PI4K2B: variants seen among roughly 807,000 people sequenced by gnomAD.
The protein encoded by PI4K2B is phosphatidylinositol 4-kinase type 2-beta.
Under a neutral mutation model 56.6 loss-of-function variants are expected in PI4K2B, and 46 were observed. That is an observed-to-expected ratio of 0.81 (90% CI 0.64 to 1.04). The LOEUF is 1.04. PI4K2B is among the 50% of genes least tolerant of loss of function. PI4K2B has a pLI of 0.00. For missense variants in PI4K2B, 556 were observed against 607.7 expected, an observed-to-expected ratio of 0.91 and a Z score of 0.89; for synonymous variants, 211 against 223.8, an observed-to-expected ratio of 0.94 and a Z score of 0.51.
At chr4:25,240,880 TTTG>T (rs1236363265) in intron 1 of PI4K2B, among the ~76,000 whole-genome samples, 2 of 152,148 alleles carry the variant, frequency 1.3e-5, no homozygotes, top group Non-Finnish European at 2.9e-5. Flanking sequence ...TCTCCTTCTC[TTTG>T]TCTCTCTGTT....
chr4:25,245,478 C>G (rs567854598), intron 1 of PI4K2B, among the ~76,000 whole-genome samples: 1 of 152,128 alleles, frequency 6.6e-6, no homozygotes, highest in Non-Finnish European at 1.5e-5. Context: ...AGCTGCATGG[C>G]TTTCCTCTCT....
chr4:25,268,555 A>C lies in PI4K2B; in HGVS notation c.1191A>C (p.Glu397Asp). Residue 397 changes from glutamate to aspartate, a missense_variant, in exon 8 of 10, where the codon GAA (glutamate) becomes GAC (aspartate). Transcript: ENST00000264864. ...TGAACTTTGTGCAAGATTTATGTGA[A>C]GATCTCTATGAACTTTTTAAGGTAA... is the stretch of plus-strand genomic sequence containing the variant. ...SDMNFVQDLC[E>D]DLYELFKTDK... 6.3e-7 allele frequency: 1 copy of C among 1,581,214 alleles called. No homozygotes were observed. Among genetic ancestry groups the C allele is most frequent in the Non-Finnish European group, 8.6e-7 (1 of 1,159,580 alleles).
At chr4:25,239,211 A>C (rs1715409399) in intron 1 of PI4K2B, among the ~76,000 whole-genome samples, 1 of 152,200 alleles carries the variant, frequency 6.6e-6, no homozygotes. Context: ...CCACAGGTGG[A>C]GCTGCCTGCC....
At chr4:25,251,774 T>C (rs1183412284) in intron 1 of PI4K2B, among the ~76,000 whole-genome samples, 1 of 151,786 alleles carries the variant, frequency 6.6e-6, no homozygotes, top group Non-Finnish European at 1.5e-5. Context: ...GAGGTATTAG[T>C]ATTATTTTTA....
intron 5 of PI4K2B, among the ~76,000 whole-genome samples, chr4:25,259,497 A>G (rs971748881): frequency 2.0e-5 from 3 of 152,094 alleles, no homozygotes; most frequent in African/African-American, 7.2e-5. Context: ...TCATTGTATA[A>G]ATTATGTTAG....
chr4:25,269,435 G>A (rs961369758), intron 9 of PI4K2B, among the ~76,000 whole-genome samples: 7 of 151,998 alleles, frequency 4.6e-5, no homozygotes, highest in Admixed American at 1.3e-4. Flanking sequence ...TCAGGAGTTC[G>A]AGACCAGCCT....
chr4:25,255,372 T>C, intron 3 of PI4K2B, 107 bp downstream of exon 3: 5 of 922,142 alleles, frequency 5.4e-6, no homozygotes, highest in Non-Finnish European at 8.4e-6. Context: ...GGAGCCCCTT[T>C]TTTGGTAGTA....
chr4:25,256,860 GC>G (rs1288664068), intron 4 of PI4K2B, among the ~76,000 whole-genome samples, 186 bp downstream of exon 4: 3 of 151,476 alleles, frequency 2.0e-5, no homozygotes, highest in Non-Finnish European at 2.9e-5. Flanking sequence ...AGTTCAGGGA[GC>G]TCTAAGAGGA....
At chr4:25,251,235 G>A (rs1406818333) in intron 1 of PI4K2B, among the ~76,000 whole-genome samples, 1 of 152,146 alleles carries the variant, frequency 6.6e-6, no homozygotes, top group Non-Finnish European at 1.5e-5. Context: ...CTGGGGGCTG[G>A]TCGTAGTATT....
intron 2 of PI4K2B, among the ~76,000 whole-genome samples, chr4:25,254,810 C>A (rs1045229580): frequency 2.6e-5 from 4 of 152,166 alleles, no homozygotes; most frequent in Admixed American, 1.3e-4. Flanking sequence ...GCCTTGCCCC[C>A]ACCTTCCCAG....
At chr4:25,242,887 C>A (rs1715586815) in intron 1 of PI4K2B, among the ~76,000 whole-genome samples, 1 of 152,172 alleles carries the variant, frequency 6.6e-6, no homozygotes, top group African/African-American at 2.4e-5. Context: ...TAACTTGTTC[C>A]CTATATTCAT....
intron 1 of PI4K2B, among the ~76,000 whole-genome samples, chr4:25,242,150 C>T (rs531955999): frequency 6.6e-6 from 1 of 152,328 alleles, no homozygotes; most frequent in African/African-American, 2.4e-5. Flanking sequence ...AGATATTTGA[C>T]CTGCTGTAGG....
Position 25,256,564 on chromosome 4 carries a change from A to C in PI4K2B, c.646A>C (p.Thr216Pro), listed in dbSNP as rs1190169231. Residue 216 changes from threonine to proline, a missense_variant, in exon 4 of 10, where the codon ACA becomes CCA. By Grantham distance (38) the Thr-to-Pro change is conservative (BLOSUM62 -1). Coordinates refer to ENST00000264864, the MANE Select transcript of PI4K2B (RefSeq NM_018323.4). ...KTKVVWLVSE[T>P]FNYNAIDRAK... is the part of the protein sequence containing the mutation. ...CTAGGTGGTTTGGCTTGTCAGTGAG[A>C]CATTTAACTATAATGCGATTGACCG... 1 of 1,613,348 alleles carries C rather than the reference A, an allele frequency of 6.2e-7. No homozygotes were observed. The highest frequency in any genetic ancestry group is 1.7e-5 in the Admixed American group (1 of 59,808).
At chr4:25,264,532 T>C (rs1716596569) in intron 7 of PI4K2B, among the ~76,000 whole-genome samples, 1 of 152,192 alleles carries the variant, frequency 6.6e-6, no homozygotes, top group Non-Finnish European at 1.5e-5. Flanking sequence ...AATGATTGAG[T>C]TAACATGGGA....
intron 1 of PI4K2B, among the ~76,000 whole-genome samples, chr4:25,240,519 G>T (rs313551): frequency 0.59 from 89,418 of 151,976 alleles, 28,545 homozygotes; most frequent in Non-Finnish European, 0.72. Flanking sequence ...TGCACTAATG[G>T]AGTTGAGCTT....
At chr4:25,274,787 T>C (rs540546249) in intron 9 of PI4K2B, among the ~76,000 whole-genome samples, 4 of 152,248 alleles carry the variant, frequency 2.6e-5, no homozygotes, top group African/African-American at 9.6e-5. Flanking sequence ...GTAGAGCAAC[T>C]TCCGTTTTCC....
chr4:25,269,350 G>T, intron 9 of PI4K2B, 147 bp downstream of exon 9: 2 of 557,246 alleles, frequency 3.6e-6, no homozygotes, highest in South Asian at 4.9e-5. Context: ...AAATGAAGTT[G>T]ATTCGGCCGA....
chr4:25,262,478 A>G (rs1388019126), intron 6 of PI4K2B, among the ~76,000 whole-genome samples: 1 of 152,222 alleles, frequency 6.6e-6, no homozygotes, highest in Admixed American at 6.5e-5. Flanking sequence ...GGTGTAAGAC[A>G]TTTGATATAA....
chr4:25,237,602 A>G (rs1715321550), intron 1 of PI4K2B, among the ~76,000 whole-genome samples: 2 of 152,172 alleles, frequency 1.3e-5, no homozygotes, highest in Admixed American at 1.3e-4. Context: ...CTGACCTCAG[A>G]TGATCCTCCC....
Sources: gnomAD v4.1 joint callset for allele counts (sites outside exome capture counted in the v4.1 genomes callset) on GRCh38, gnomAD v4.1.1 for gene constraint, MANE v1.5 for transcripts, NCBI Gene and HGNC (gene_info 2026-07-23, HGNC 2026-07-21) for gene names.